RABL6: variants seen among roughly 807,000 people sequenced by gnomAD.
RABL6 encodes rab-like protein 6.
In RABL6, 28 loss-of-function variants were observed where a neutral mutation model predicts 72.9. The ratio of observed to expected loss-of-function variants is 0.38; its 90% CI spans 0.28 to 0.53. The LOEUF (loss-of-function observed/expected upper bound fraction) is 0.53, where lower values mean the gene tolerates loss of function less well. RABL6 is among the 20% of genes least tolerant of loss of function. The pLI, the probability that RABL6 is intolerant of heterozygous loss-of-function variation, is 0.80. For synonymous variants in RABL6, 477 were observed against 421.2 expected (o/e 1.13, Z -1.62); for missense variants, 1,029 against 1,008.4 (o/e 1.02, Z -0.28).
intron 1 of RABL6, 36 bp downstream of exon 1, chr9:136,808,362 G>A: frequency 1.4e-6 from 2 of 1,459,594 alleles, no homozygotes; most frequent in Non-Finnish European, 1.8e-6. Context: ...CGGGAGCGCC[G>A]CGCGGGTCTC....
chr9:136,831,700 G>A, intron 5 of RABL6, 21 bp from the exon 6 acceptor site: 1 of 1,612,634 alleles, frequency 6.2e-7, no homozygotes, highest in Non-Finnish European at 8.5e-7. Context: ...AACTAAGCCA[G>A]GTCCTCACCT....
intron 1 of RABL6, among the ~76,000 whole-genome samples, chr9:136,815,868 G>T (rs1487448017): frequency 3.3e-5 from 5 of 152,198 alleles, no homozygotes; most frequent in African/African-American, 1.2e-4. Context: ...TTTCTGCATT[G>T]TATCTTCTAA....
intron 1 of RABL6, among the ~76,000 whole-genome samples, chr9:136,818,362 C>CAAA (rs1564360781): frequency 2.7e-4 from 4 of 15,008 alleles, no homozygotes; most frequent in Non-Finnish European, 4.9e-4. Flanking sequence ...GACTCTGTCT[C>CAAA]AAAAAAAAAA....
chr9:136,837,650 C>A lies in RABL6; in HGVS notation c.1114C>A (p.Pro372Thr), dbSNP rs759110869. 86 of 1,589,326 alleles carry A rather than the reference C, an allele frequency of 5.4e-5. No homozygotes were observed. The Admixed American group carries it at 1.5e-3, about 27-fold the overall frequency. The change falls in exon 9 of 15, where the codon CCT becomes ACT. Residue 372 changes from proline (P) to threonine (T), a missense_variant. By Grantham distance (38) the Pro-to-Thr change is conservative. Coordinates refer to ENST00000311502, the MANE Select transcript of RABL6 (RefSeq NM_024718.5). ...GACGTCACCTGCCACCGAGGCAGCC[C>A]CTCCACCTCCAGGTAGGCCCTGGAG... ...FGTSPATEAA[P>T]PPPEPVPAAE...
At chr9:136,818,372 A>ACAAAAAC (rs1564360802) in intron 1 of RABL6, among the ~76,000 whole-genome samples, 5 of 19,932 alleles carry the variant, frequency 2.5e-4, no homozygotes, top group African/African-American at 1.4e-3. Flanking sequence ...CAAAAAAAAA[A>ACAAAAAC]AAAAAAAAAA....
chr9:136,838,091 T>C (rs1848617633), intron 10 of RABL6, 76 bp downstream of exon 10: 2 of 1,519,970 alleles, frequency 1.3e-6, no homozygotes, highest in Non-Finnish European at 1.8e-6. Flanking sequence ...TGGGGCTGGC[T>C]TTCTAGGGGC....
Position 136,840,268 on chromosome 9 carries a change from A to T in RABL6, c.1990-54A>T, listed in dbSNP as rs1406433978. 3 of 1,611,852 alleles carry T rather than the reference A, an allele frequency of 1.9e-6. No individual in the cohort carries two copies. The African/African-American group carries it at 4.0e-5, about 22-fold the overall frequency. Reference sequence around the variant, plus strand: ...GGACTGGGTGGCATGCGGTCCTGGGACCAGGGCTGTGGCTTCCTGTGACTC... The same window carrying T: ...GGACTGGGTGGCATGCGGTCCTGGGTCCAGGGCTGTGGCTTCCTGTGACTC... On this transcript the variant is annotated intron_variant, in intron 14 of 14. Coordinates refer to ENST00000311502, the MANE Select transcript of RABL6 (RefSeq NM_024718.5).
chr9:136,823,087 CAAAAA>C (rs11296242), intron 1 of RABL6, among the ~76,000 whole-genome samples: 1 of 122,766 alleles, frequency 8.1e-6, no homozygotes, highest in Non-Finnish European at 1.7e-5. Flanking sequence ...GACTCCGTCT[CAAAAA>C]AAAAAAAAAA....
chr9:136,829,533 G>A (rs1395954048), intron 5 of RABL6, 49 bp downstream of exon 5: 10 of 1,481,660 alleles, frequency 6.7e-6, no homozygotes, highest in Non-Finnish European at 9.2e-6. Context: ...CACCCCCCTA[G>A]CCCCTTGGGC....
In RABL6 at chr9:136,840,373, A is replaced by C; in HGVS notation, c.2041A>C (p.Lys681Gln). 6.4e-7 allele frequency: 1 copy of C among 1,555,766 alleles called. No individual in the cohort carries two copies. Among genetic ancestry groups the C allele is most frequent in the South Asian group, 1.2e-5 (1 of 84,954 alleles). The part of the protein sequence containing the change: ...KKSKHKKSKD[K>Q]EEGKEERRRR... ...GAGCAAACACAAGAAGAGCAAGGAC[A>C]AGGAGGAGGGCAAGGAGGAGCGGCG... Residue 681 changes from lysine to glutamine, a missense_variant, in exon 15 of 15, where the codon AAG becomes CAG. Around this residue, in one of 2 missense-constraint regions of RABL6, gnomAD observed 595 missense variants for 472.4 expected, o/e 1.26. Transcript: ENST00000311502.
At chr9:136,825,062 C>T (rs576531257) in intron 2 of RABL6, among the ~76,000 whole-genome samples, 1 of 152,330 alleles carries the variant, frequency 6.6e-6, no homozygotes, top group Non-Finnish European at 1.5e-5. Flanking sequence ...CCCCCAGTCC[C>T]CAGCACGCCC....
In RABL6 at chr9:136,837,230, C is replaced by T. The variant is rs55947586; in HGVS notation, c.810-116C>T. Reference sequence around the variant, plus strand: ...TGATGGCCTCTGTGGGGCGGGTGGCCCAGAACACAGTGGCTCTTCCCAGCC... The same window carrying T: ...TGATGGCCTCTGTGGGGCGGGTGGCTCAGAACACAGTGGCTCTTCCCAGCC... On this transcript the variant is annotated intron_variant, in intron 8 of 14. Coordinates refer to ENST00000311502, the MANE Select transcript of RABL6 (RefSeq NM_024718.5). 1.1e-5 allele frequency: 13 copies of T among 1,225,574 alleles called. No homozygotes were observed. In the East Asian group the frequency reaches 2.5e-4, roughly 24 times the overall value. The allele number at this position is 1,225,574 out of a possible 1,614,324, so 75.9% of individuals were successfully genotyped here.
intron 1 of RABL6, among the ~76,000 whole-genome samples, chr9:136,810,875 C>T (rs965906985): frequency 1.3e-5 from 2 of 152,108 alleles, no homozygotes; most frequent in African/African-American, 4.8e-5. Context: ...TTTTACAGAG[C>T]GTAACAGACC....
At chr9:136,832,761 C>T (rs1848504495) in intron 7 of RABL6, 1 of 341,278 alleles carries the variant, frequency 2.9e-6, no homozygotes, top group Non-Finnish European at 5.7e-6. Context: ...TCCCAAAGTG[C>T]TGGGATGCCA....
chr9:136,837,220 G>A, intron 8 of RABL6, 126 bp from the exon 9 acceptor site: 1 of 1,091,112 alleles, frequency 9.2e-7, no homozygotes, highest in Non-Finnish European at 1.4e-6. Flanking sequence ...GCCTCTGTGG[G>A]GCGGGTGGCC....
At chr9:136,835,389 G>A (rs753307890) in intron 7 of RABL6, 22 of 194,386 alleles carry the variant, frequency 1.1e-4, no homozygotes, top group African/African-American at 2.6e-4. Context: ...TGTGCGTGGC[G>A]GGGAGCAGAG....
chr9:136,808,132 G>A lies in RABL6; in HGVS notation c.-65G>A. ...GGGCCGCCGGGACATGGTGCCAGTC[G>A]CACCCCTTCCCCGCCGCCGCTGAGC... is the stretch of plus-strand genomic sequence containing the variant. On this transcript the variant is annotated 5_prime_UTR_variant, in exon 1 of 15. Coordinates refer to ENST00000311502, the MANE Select transcript of RABL6 (RefSeq NM_024718.5). The A allele has an allele frequency of 1.4e-6, 2 of 1,439,672 alleles. No homozygotes were observed. The highest frequency in any genetic ancestry group is 1.3e-5 in the South Asian group (1 of 75,360). 89.2% of individuals were successfully genotyped at this position (1,439,672 alleles called of 1,614,324 possible). A position where few individuals can be genotyped will look rare whatever the true frequency, so the allele number is the denominator to read the frequency against.
chr9:136,811,276 C>T (rs534494969), intron 1 of RABL6, among the ~76,000 whole-genome samples: 5 of 152,140 alleles, frequency 3.3e-5, no homozygotes, highest in African/African-American at 4.8e-5. Flanking sequence ...TCCACAAAGG[C>T]GGGACAACTT....
At chr9:136,837,033 C>G in intron 8 of RABL6, 1 of 472,074 alleles carries the variant, frequency 2.1e-6, no homozygotes, top group South Asian at 2.0e-5. Flanking sequence ...GCCACCACAC[C>G]CGGCTAATTT....
Sources: allele counts gnomAD v4.1 joint callset (sites outside exome capture counted in the v4.1 genomes callset), GRCh38; gene constraint gnomAD v4.1.1; regional missense constraint gnomAD v4.1.1; transcripts MANE v1.5; gene names NCBI Gene and HGNC (gene_info 2026-07-23, HGNC 2026-07-21).